Variants in IQSEC2 observed in about 807,000 individuals in gnomAD.
IQSEC2 encodes the protein IQ motif and Sec7 domain ArfGEF 2.
A neutral mutation model predicts 74.6 loss-of-function variants in IQSEC2; 6 were observed. The ratio of observed to expected loss-of-function variants is 0.08; its 90% CI spans 0.04 to 0.16. The LOEUF (loss-of-function observed/expected upper bound fraction) is 0.16. Ranked by LOEUF, IQSEC2 falls within the 10% of genes least tolerant of loss-of-function variation. The probability of loss-of-function intolerance (pLI) is 1.00; values close to 1 mark genes in which losing one functional copy is unlikely to be tolerated. For missense variants in IQSEC2, 734 were observed against 1,306.2 expected (o/e 0.56, Z 6.75); for synonymous variants, 494 against 544.5 (o/e 0.91, Z 1.29).
chrX:53,280,076 G>A (rs1439058248), intron 2 of IQSEC2, among the ~76,000 whole-genome samples: 1 of 109,654 alleles, frequency 9.1e-6, no homozygotes, highest in Non-Finnish European at 1.9e-5. Context: ...GGCCTCCTGT[G>A]TTCCAGGTGA....
intron 2 of IQSEC2, chrX:53,266,688 C>T (rs2074662933): frequency 1.1e-6 from 1 of 892,317 alleles, no homozygotes; most frequent in Middle Eastern, 5.4e-4. Flanking sequence ...GATCCAGGTT[C>T]CAAGCTCCAA....
intron 1 of IQSEC2, among the ~76,000 whole-genome samples, chrX:53,303,005 C>T (rs782724904): frequency 8.1e-5 from 9 of 111,154 alleles, no homozygotes; most frequent in Non-Finnish European, 1.5e-4. Flanking sequence ...GAGTTTGAGA[C>T]AAGCCTGGAC....
intron 9 of IQSEC2, among the ~76,000 whole-genome samples, chrX:53,242,986 C>T (rs1556861234): frequency 8.9e-6 from 1 of 111,913 alleles, no homozygotes; most frequent in Non-Finnish European, 1.9e-5. Context: ...GATCCACCCA[C>T]CTCGGCCTCC....
At chrX:53,294,269 G>A (rs1434315604) in intron 1 of IQSEC2, among the ~76,000 whole-genome samples, 1 of 112,680 alleles carries the variant, frequency 8.9e-6, no homozygotes, top group African/African-American at 3.2e-5. Context: ...CGGGGAATTC[G>A]CCAATTCTCG....
At chrX:53,256,349 C>T in intron 2 of IQSEC2, among the ~76,000 whole-genome samples, 1 of 109,846 alleles carries the variant, frequency 9.1e-6, no homozygotes, top group Non-Finnish European at 1.9e-5. Context: ...TCACCCCTCA[C>T]AGCCTTCTCC....
intron 1 of IQSEC2, among the ~76,000 whole-genome samples, chrX:53,292,799 G>A (rs782011511): frequency 1.3e-4 from 14 of 111,644 alleles, no homozygotes; most frequent in Admixed American, 5.6e-4. Context: ...GTATGTGCGC[G>A]CGCACGTGTG....
At chrX:53,236,563 C>T (rs1556859776) in intron 12 of IQSEC2, 68 bp from the exon 13 acceptor site, 69 of 1,077,671 alleles carry the variant, frequency 6.4e-5, no homozygotes, top group Non-Finnish European at 8.0e-5. Flanking sequence ...CTGACTGACC[C>T]TAGCCCTCCA....
intron 2 of IQSEC2, among the ~76,000 whole-genome samples, chrX:53,261,482 A>G (rs1556866525): frequency 1.2e-5 from 1 of 86,193 alleles, no homozygotes; most frequent in African/African-American, 4.1e-5. Context: ...GGAGCAAAAC[A>G]TCTGCATGTG....
chrX:53,267,004 G>A, intron 2 of IQSEC2: 1 of 1,155,171 alleles, frequency 8.7e-7, no homozygotes, highest in East Asian at 3.3e-5. Flanking sequence ...AGGCCGGACA[G>A]CAGAACTGGT....
At chrX:53,276,124 T>A (rs971955517) in intron 2 of IQSEC2, among the ~76,000 whole-genome samples, 3 of 112,194 alleles carry the variant, frequency 2.7e-5, no homozygotes, top group African/African-American at 9.7e-5. Flanking sequence ...AGGAATGCAA[T>A]GAATGTTTTG....
chrX:53,228,681 TTC>T (rs2074052507), downstream of IQSEC2: 1 of 112,042 alleles, frequency 8.9e-6, no homozygotes, highest in African/African-American at 3.3e-5. Context: ...AAGCTGTTGG[TTC>T]TGATTCCTAA....
At chrX:53,244,673 A>G (rs1255579374) in intron 8 of IQSEC2, among the ~76,000 whole-genome samples, 1 of 111,960 alleles carries the variant, frequency 8.9e-6, no homozygotes, top group African/African-American at 3.2e-5. Flanking sequence ...TTTCAATAGC[A>G]TGAGAAAATT....
Position 53,234,263 on chromosome X carries a change from C to T in IQSEC2, c.4423G>A (p.Ala1475Thr), listed in dbSNP as rs1242748501. 9.3e-7 allele frequency: 1 copy of T among 1,075,374 alleles called. No individual in the cohort carries two copies. Among genetic ancestry groups the T allele is most frequent in the Non-Finnish European group, 1.2e-6 (1 of 824,122 alleles). The allele number at this position is 1,075,374 out of a possible 1,213,427, so 88.6% of individuals were successfully genotyped here. A position where few individuals can be genotyped will look rare whatever the true frequency, so the allele number is the denominator to read the frequency against. ...GPPGTANPPS[A>T]NPKAKPSRIS... is the part of the protein sequence containing the mutation. ...CGGCTTGGCTTGGCCTTGGGGTTTGCACTGGGGGGGTTGGCTGTGCCAGGG... is the reference window on the plus strand; with the variant it reads ...CGGCTTGGCTTGGCCTTGGGGTTTGTACTGGGGGGGTTGGCTGTGCCAGGG... Residue 1475 changes from alanine to threonine, a missense_variant, in exon 15 of 15, where the codon GCA becomes ACA. This residue lies in a region of IQSEC2 where 38 missense variants were observed against 36.7 expected (regional missense o/e 1.04). Transcript: ENST00000642864.
At chrX:53,227,493 G>T, downstream of IQSEC2, 1 of 296,141 alleles carries the variant, frequency 3.4e-6, no homozygotes, top group South Asian at 2.0e-4. Flanking sequence ...GAGCTGCTGG[G>T]GTGGGAGGTA....
At chrX:53,250,230 A>C in intron 5 of IQSEC2, 49 bp downstream of exon 5, 1 of 1,185,435 alleles carries the variant, frequency 8.4e-7, no homozygotes, top group South Asian at 1.8e-5. Flanking sequence ...ACCCAAGTGC[A>C]TGTGGCAGGG....
chrX:53,267,770 T>C (rs782726415), intron 2 of IQSEC2, among the ~76,000 whole-genome samples: 4 of 111,900 alleles, frequency 3.6e-5, no homozygotes, highest in Non-Finnish European at 7.5e-5. Context: ...CTTGAGCGCA[T>C]TATTGTCACT....
intron 1 of IQSEC2, among the ~76,000 whole-genome samples, chrX:53,301,541 G>T (rs1391705986): frequency 2.7e-5 from 3 of 112,149 alleles, no homozygotes; most frequent in African/African-American, 9.7e-5. Flanking sequence ...TAAATTTCTT[G>T]GGCTTACTTT....
chrX:53,246,980 T>C lies in IQSEC2; in HGVS notation c.2738A>G (p.Lys913Arg). Residue 913 changes from lysine (K) to arginine (R), a missense_variant, in exon 8 of 15, where the codon AAG becomes AGG. Around this residue, in one of 12 missense-constraint regions of IQSEC2, gnomAD observed 249 missense variants for 467.9 expected, o/e 0.53. Transcript: ENST00000642864. ...ERKMKLDDFI[K>R]NLRGVDNGED... ...GACAGGGAAGTCACCTCTCAGGTTC[T>C]TGATGAAGTCATCTAGTTTCATCTT... 1 of 1,211,154 alleles carries C rather than the reference T, an allele frequency of 8.3e-7. No individual in the cohort carries two copies. Among genetic ancestry groups the C allele is most frequent in the Non-Finnish European group, 1.1e-6 (1 of 894,897 alleles).
At chrX:53,307,295 C>CTTTTTTTTTT (rs60909741) in intron 1 of IQSEC2, among the ~76,000 whole-genome samples, 5 of 55,927 alleles carry the variant, frequency 8.9e-5, no homozygotes, top group Admixed American at 2.8e-4. Flanking sequence ...TTCTTTCTTT[C>CTTTTTTTTTT]TTTTTTTTTT....
Sources: gnomAD v4.1 joint callset for allele counts (sites outside exome capture counted in the v4.1 genomes callset) on GRCh38, gnomAD v4.1.1 for gene constraint, gnomAD v4.1.1 regional missense constraint, MANE v1.5 for transcripts, NCBI Gene and HGNC (gene_info 2026-07-23, HGNC 2026-07-21) for gene names.